SRRM4: variants seen among roughly 807,000 people sequenced by gnomAD.
SRRM4 encodes the protein serine/arginine repetitive matrix 4, also known as serine/arginine repetitive matrix protein 4.
Under a neutral mutation model 68.9 loss-of-function variants are expected in SRRM4, and 33 were observed. That is an observed-to-expected ratio of 0.48 (90% CI 0.36 to 0.64). The LOEUF (loss-of-function observed/expected upper bound fraction) is 0.64, where lower values mean the gene tolerates loss of function less well. Among genes scored for constraint, SRRM4 ranks in the 30% least tolerant of loss-of-function variants. The probability of loss-of-function intolerance (pLI) is 0.00; values close to 1 mark genes in which losing one functional copy is unlikely to be tolerated. For missense variants in SRRM4, 817 were observed against 827.1 expected, an observed-to-expected ratio of 0.99 and a Z score of 0.15; for synonymous variants, 318 against 318.8, an observed-to-expected ratio of 1.00 and a Z score of 0.03.
chr12:119,115,088 C>T (rs915284384), intron 3 of SRRM4, among the ~76,000 whole-genome samples: 2 of 151,824 alleles, frequency 1.3e-5, no homozygotes, highest in Admixed American at 6.6e-5. Context: ...ACCAGGAAAG[C>T]ATTATTATTC....
At chr12:119,033,206 T>C (rs554652746) in intron 1 of SRRM4, among the ~76,000 whole-genome samples, 4 of 152,336 alleles carry the variant, frequency 2.6e-5, no homozygotes, top group East Asian at 3.9e-4. Flanking sequence ...TAATATAATG[T>C]ATGCTTCCTT....
chr12:119,136,659 G>A (rs1178943978), intron 8 of SRRM4, among the ~76,000 whole-genome samples: 1 of 152,100 alleles, frequency 6.6e-6, no homozygotes, highest in Admixed American at 6.6e-5. Context: ...GTATTTAGCA[G>A]GATGAAAAAC....
intron 2 of SRRM4, among the ~76,000 whole-genome samples, chr12:119,103,927 CAGG>C (rs943509343): frequency 3.9e-5 from 6 of 152,162 alleles, no homozygotes; most frequent in African/African-American, 1.4e-4. Context: ...TGCTTGTACC[CAGG>C]AGGAGGAGGT....
intron 9 of SRRM4, among the ~76,000 whole-genome samples, chr12:119,149,410 T>C (rs1954424887): frequency 1.3e-5 from 2 of 152,264 alleles, no homozygotes; most frequent in African/African-American, 4.8e-5. Flanking sequence ...GCTTGTGAAA[T>C]TCTCAGAACA....
intron 9 of SRRM4, among the ~76,000 whole-genome samples, chr12:119,149,075 C>T (rs1007984671): frequency 2.0e-5 from 3 of 152,128 alleles, no homozygotes; most frequent in Admixed American, 6.5e-5. Flanking sequence ...GGCAGCTGGG[C>T]GCAGTGGCTC....
intron 3 of SRRM4, among the ~76,000 whole-genome samples, chr12:119,114,800 G>A (rs1244761047): frequency 6.6e-6 from 1 of 151,018 alleles, no homozygotes; most frequent in East Asian, 2.0e-4. Flanking sequence ...GAGTAGCTGT[G>A]ACTACAGGCG....
intron 1 of SRRM4, among the ~76,000 whole-genome samples, chr12:119,010,861 A>T (rs1175754873): frequency 6.6e-6 from 1 of 152,254 alleles, no homozygotes; most frequent in Non-Finnish European, 1.5e-5. Context: ...GAAAAAATGC[A>T]GTAAATTCAT....
At chr12:119,052,568 AC>A (rs1395096047) in intron 1 of SRRM4, among the ~76,000 whole-genome samples, 1 of 152,040 alleles carries the variant, frequency 6.6e-6, no homozygotes, top group East Asian at 1.9e-4. Flanking sequence ...TCTCTCTGTT[AC>A]CCAGGCTGGA....
At chr12:119,122,292 CAGGAAGGAAGGAAGGAAGGA>C (rs56030105) in intron 6 of SRRM4, among the ~76,000 whole-genome samples, 172 bp downstream of exon 6, 6 of 69,726 alleles carry the variant, frequency 8.6e-5, no homozygotes, top group African/African-American at 2.5e-4. Context: ...GGCAGGAAGG[CAGGAAGGAAGGAAGGAAGGA>C]AGGAAGGAAG....
At chr12:119,142,216 A>G (rs956842144) in intron 8 of SRRM4, among the ~76,000 whole-genome samples, 1 of 152,242 alleles carries the variant, frequency 6.6e-6, no homozygotes, top group African/African-American at 2.4e-5. Context: ...ATTCAAAGAA[A>G]TGGGATTTTT....
At chr12:119,129,656 T>A (rs1954281653) in intron 7 of SRRM4, among the ~76,000 whole-genome samples, 1 of 152,232 alleles carries the variant, frequency 6.6e-6, no homozygotes, top group South Asian at 2.1e-4. Flanking sequence ...GATGGGGACC[T>A]TTTCTGTTTT....
intron 1 of SRRM4, among the ~76,000 whole-genome samples, chr12:118,994,723 C>A (rs1337220320): frequency 6.6e-6 from 1 of 152,208 alleles, no homozygotes; most frequent in African/African-American, 2.4e-5. Context: ...CTACCCTGAG[C>A]CTCAGTGCCC....
chr12:119,103,651 T>C (rs1411444207), intron 2 of SRRM4, among the ~76,000 whole-genome samples: 2 of 152,180 alleles, frequency 1.3e-5, no homozygotes, highest in Non-Finnish European at 2.9e-5. Context: ...GAAAGTTGTT[T>C]CCATGATAGG....
intron 9 of SRRM4, among the ~76,000 whole-genome samples, chr12:119,146,892 C>T (rs895689372): frequency 4.7e-5 from 7 of 150,248 alleles, no homozygotes; most frequent in South Asian, 4.2e-4. Flanking sequence ...GCCGAGATTG[C>T]GCCAGTGCAC....
At position 119,154,513 on chromosome 12, in the gene SRRM4, C is replaced by A; in HGVS notation, c.1532+130C>A. On this transcript the variant is annotated intron_variant, in intron 12 of 12. Transcript: ENST00000267260. The surrounding 1 kb of genome is among the most constrained non-coding windows in gnomAD (Gnocchi z 4.7). ...TAGGATTGTGCGAGCTTATGGTCCC[C>A]CCAACCCCAACATCATTGAAATTAC... is the stretch of plus-strand genomic sequence containing the variant. 1 of 975,222 alleles carries A rather than the reference C, an allele frequency of 1.0e-6. No homozygotes were observed. Among genetic ancestry groups the A allele is most frequent in the Non-Finnish European group, 1.5e-6 (1 of 661,576 alleles). 60.4% of individuals were successfully genotyped at this position (975,222 alleles called of 1,614,324 possible). A position where few individuals can be genotyped will look rare whatever the true frequency, so the allele number is the denominator to read the frequency against.
chr12:119,016,643 C>T, intron 1 of SRRM4, among the ~76,000 whole-genome samples: 1 of 152,200 alleles, frequency 6.6e-6, no homozygotes, highest in Admixed American at 6.5e-5. Flanking sequence ...TTGCAGATCC[C>T]TGTTCCATAT....
At chr12:119,153,054 C>T (rs573287180) in intron 10 of SRRM4, among the ~76,000 whole-genome samples, 1 of 152,278 alleles carries the variant, frequency 6.6e-6, no homozygotes, top group African/African-American at 2.4e-5. Flanking sequence ...GTACCTAACC[C>T]TAAGATGTGT....
intron 1 of SRRM4, among the ~76,000 whole-genome samples, chr12:119,098,901 G>A (rs947722375): frequency 1.3e-5 from 2 of 152,052 alleles, no homozygotes; most frequent in South Asian, 2.1e-4. Context: ...TACACTGATC[G>A]GAGCTTGGAC....
chr12:119,013,544 T>C (rs1953462696), intron 1 of SRRM4, among the ~76,000 whole-genome samples: 1 of 152,238 alleles, frequency 6.6e-6, no homozygotes, highest in Non-Finnish European at 1.5e-5. Context: ...ACTATTGTGC[T>C]TTCTAATGTA....
Sources: gnomAD v4.1 joint callset for allele counts (sites outside exome capture counted in the v4.1 genomes callset) on GRCh38, gnomAD v4.1.1 for gene constraint, Gnocchi (gnomAD v3.1) non-coding constraint, MANE v1.5 for transcripts, NCBI Gene and HGNC (gene_info 2026-07-23, HGNC 2026-07-21) for gene names.